SYN3: variants seen among roughly 807,000 people sequenced by gnomAD.
SYN3 encodes synapsin III.
SYN3 carries 35 observed loss-of-function variants against 65.8 expected under a neutral mutation model. That is an observed-to-expected ratio of 0.53 (90% CI 0.41 to 0.70). The LOEUF (loss-of-function observed/expected upper bound fraction) is 0.70. SYN3 is among the 30% of genes least tolerant of loss of function. The pLI is 0.00. For synonymous variants in SYN3, 270 were observed against 292.9 expected (o/e 0.92, Z 0.80); for missense variants, 680 against 749.0 (o/e 0.91, Z 1.08).
chr22:32,517,385 C>G (rs908149866), intron 13 of SYN3, among the ~76,000 whole-genome samples: 7 of 152,188 alleles, frequency 4.6e-5, no homozygotes, highest in Non-Finnish European at 1.0e-4. Context: ...ACAGCTAGCA[C>G]CAACAACCAG....
chr22:32,617,892 A>G (rs908703712), intron 6 of SYN3, among the ~76,000 whole-genome samples: 1 of 151,894 alleles, frequency 6.6e-6, no homozygotes, highest in Non-Finnish European at 1.5e-5. Context: ...CTTCTCCTCT[A>G]TGCTGTTTCT....
intron 6 of SYN3, among the ~76,000 whole-genome samples, chr22:32,742,221 A>G (rs1032153308): frequency 2.0e-5 from 3 of 152,192 alleles, no homozygotes; most frequent in African/African-American, 7.2e-5. Context: ...GCTGGCAGTG[A>G]GCCAAGATCG....
At chr22:32,742,980 T>A (rs1051470835) in intron 6 of SYN3, among the ~76,000 whole-genome samples, 5 of 152,088 alleles carry the variant, frequency 3.3e-5, no homozygotes, top group African/African-American at 1.2e-4. Context: ...AGGGAAGAAA[T>A]CAGAGAAAGT....
At chr22:32,765,884 GAGATGGAGAACTTAT>G (rs2045611821) in intron 6 of SYN3, among the ~76,000 whole-genome samples, 1 of 152,210 alleles carries the variant, frequency 6.6e-6, no homozygotes, top group African/African-American at 2.4e-5. Context: ...GAGCCAATCT[GAGATGGAGAACTTAT>G]AGAGAGTAAT....
intron 3 of SYN3, among the ~76,000 whole-genome samples, chr22:32,944,691 C>T (rs917772148): frequency 5.5e-4 from 84 of 152,102 alleles, no homozygotes; most frequent in Non-Finnish European, 2.2e-4. Context: ...AAGTTCTGGC[C>T]AGGGCAATCA....
At chr22:32,941,018 G>A (rs1050749293) in intron 3 of SYN3, among the ~76,000 whole-genome samples, 3 of 152,164 alleles carry the variant, frequency 2.0e-5, no homozygotes, top group Non-Finnish European at 2.9e-5. Context: ...TAGACAGAAT[G>A]TGTTCTACTA....
chr22:32,563,242 C>G (rs1239519906), intron 7 of SYN3, among the ~76,000 whole-genome samples: 1 of 152,146 alleles, frequency 6.6e-6, no homozygotes, highest in African/African-American at 2.4e-5. Context: ...AGCATGTGCT[C>G]AATACATTCA....
chr22:32,743,409 C>A (rs1184575267), intron 6 of SYN3, among the ~76,000 whole-genome samples: 1 of 152,140 alleles, frequency 6.6e-6, no homozygotes, highest in Non-Finnish European at 1.5e-5. Context: ...GGCCTAGAAT[C>A]CCTTCTAACC....
chr22:32,896,164 T>C (rs528952864), intron 4 of SYN3, among the ~76,000 whole-genome samples: 3 of 152,190 alleles, frequency 2.0e-5, no homozygotes, highest in Non-Finnish European at 4.4e-5. Flanking sequence ...AACAGAATCA[T>C]TTAACTTCTT....
intron 6 of SYN3, among the ~76,000 whole-genome samples, chr22:32,814,705 A>T (rs952537045): frequency 6.6e-6 from 1 of 152,214 alleles, no homozygotes; most frequent in African/African-American, 2.4e-5. Flanking sequence ...TTTGTTTCAA[A>T]AAGTTAATTA....
chr22:32,944,887 T>C (rs1321016258), intron 3 of SYN3, among the ~76,000 whole-genome samples: 2 of 152,198 alleles, frequency 1.3e-5, no homozygotes, highest in African/African-American at 2.4e-5. Flanking sequence ...AGCATTCTTA[T>C]ACACCAATAA....
chr22:32,823,845 A>G (rs1379991066), intron 6 of SYN3, among the ~76,000 whole-genome samples: 4 of 152,176 alleles, frequency 2.6e-5, no homozygotes, highest in Non-Finnish European at 5.9e-5. Context: ...GTCCACTCCT[A>G]TAAGATGGTA....
At chr22:32,549,575 A>AT (rs1471188072) in intron 7 of SYN3, among the ~76,000 whole-genome samples, 2 of 152,142 alleles carry the variant, frequency 1.3e-5, no homozygotes, top group Non-Finnish European at 2.9e-5. Flanking sequence ...TTTATCAAGA[A>AT]TTTTTTTGTG....
At chr22:32,730,011 T>C (rs896289551) in intron 6 of SYN3, among the ~76,000 whole-genome samples, 2 of 152,138 alleles carry the variant, frequency 1.3e-5, no homozygotes, top group African/African-American at 2.4e-5. Context: ...GCTCACGAGA[T>C]GGATGACAAT....
At chr22:32,776,383 C>T (rs758234344) in intron 6 of SYN3, among the ~76,000 whole-genome samples, 2 of 152,184 alleles carry the variant, frequency 1.3e-5, no homozygotes, top group Non-Finnish European at 2.9e-5. Flanking sequence ...CTCAGAGTCA[C>T]CCATGAGGCA....
chr22:32,859,367 C>T, intron 6 of SYN3: 2 of 1,610,540 alleles, frequency 1.2e-6, no homozygotes, highest in Non-Finnish European at 1.7e-6. Flanking sequence ...ATCAATGCCA[C>T]AGACCCCTGA....
At position 32,878,994 on chromosome 22, in the gene SYN3, C is replaced by T. The variant is rs181439111; in HGVS notation, c.462-9869G>A. 1.3e-4 allele frequency among the ~76,000 whole-genome samples: 20 copies of T among 152,138 alleles called. No homozygotes were observed. In the East Asian group the frequency reaches 3.5e-3, roughly 26 times the overall value. On this transcript the variant is annotated intron_variant, in intron 4 of 13. Transcript: ENST00000358763. Reference sequence around the variant, plus strand: ...CTCAATTACTTAAATGTTGACAATGCACTTAAAAAATTTTTGAAAATCACT... The same window carrying T: ...CTCAATTACTTAAATGTTGACAATGTACTTAAAAAATTTTTGAAAATCACT...
intron 6 of SYN3, among the ~76,000 whole-genome samples, chr22:32,791,813 A>C (rs553038282): frequency 1.3e-5 from 2 of 152,152 alleles, no homozygotes; most frequent in South Asian, 4.2e-4. Context: ...AATATATGCA[A>C]ACTGCCTAGA....
intron 12 of SYN3, among the ~76,000 whole-genome samples, chr22:32,526,471 C>T (rs985714751): frequency 2.0e-5 from 3 of 151,938 alleles, no homozygotes; most frequent in Non-Finnish European, 4.4e-5. Flanking sequence ...AAGGCCACAA[C>T]ATGATAGTAA....
Sources: gnomAD v4.1 joint callset for allele counts (sites outside exome capture counted in the v4.1 genomes callset) on GRCh38, gnomAD v4.1.1 for gene constraint, MANE v1.5 for transcripts, NCBI Gene and HGNC (gene_info 2026-07-23, HGNC 2026-07-21) for gene names.